KAT6A: variants seen among roughly 807,000 people sequenced by gnomAD.
KAT6A encodes the protein histone acetyltransferase KAT6A.
KAT6A carries 9 observed loss-of-function variants against 198.4 expected under a neutral mutation model. That is an observed-to-expected ratio of 0.05 (90% CI 0.03 to 0.08). KAT6A has a LOEUF of 0.08. KAT6A is among the 10% of genes least tolerant of loss of function. The pLI, the probability that KAT6A is intolerant of heterozygous loss-of-function variation, is 1.00. For missense variants in KAT6A, 2,077 were observed against 2,509.9 expected, an observed-to-expected ratio of 0.83 and a Z score of 3.69; for synonymous variants, 890 against 883.0, an observed-to-expected ratio of 1.01 and a Z score of -0.14.
At chr8:41,989,275 G>A (rs527747301) in intron 2 of KAT6A, among the ~76,000 whole-genome samples, 56 of 152,244 alleles carry the variant, frequency 3.7e-4, no homozygotes, top group African/African-American at 1.2e-3. Context: ...TTGGGAGGCC[G>A]AGGCGGGCGG....
chr8:41,932,841 C>T lies in KAT6A; in HGVS notation c.5379G>A (p.Gln1793=), dbSNP rs34566148. 2.1e-3 allele frequency: 3,374 copies of T among 1,614,136 alleles called. 14 individuals are homozygous for T. Among genetic ancestry groups the T allele is most frequent in the African/African-American group, 0.013 (971 of 75,036 alleles). ...SVSLSNTGLA[Q]LAPSHPLAGT... ...CAGCTAAGGGATGAGATGGAGCCAG[C>T]TGAGCCAGTCCTGTATTGGACAGAG... Residue 1793 remains glutamine, a synonymous_variant, in exon 17 of 17, where the codon CAG becomes CAA. Coordinates refer to ENST00000265713, the MANE Select transcript of KAT6A (RefSeq NM_006766.5).
intron 8 of KAT6A, among the ~76,000 whole-genome samples, chr8:41,959,180 A>AAT (rs1281160673): frequency 4.2e-5 from 6 of 142,544 alleles, no homozygotes; most frequent in East Asian, 2.1e-4. Context: ...AAAAAAAAAA[A>AAT]GTTGGAAAAG....
rs1454906752 is a variant in KAT6A, at chr8:42,025,593, G to A, written c.600+22785C>T. Among the ~76,000 whole-genome samples the A allele has an allele frequency of 3.9e-5, 6 of 152,188 alleles. No individual in the cohort carries two copies. The South Asian group carries it at 8.3e-4, about 21-fold the overall frequency. On this transcript the variant is annotated intron_variant, in intron 2 of 16. Transcript: ENST00000265713. ...GTCTATTCAGATCCTTTGCCAACTTGTTAATAGGATTATTTGGTTTTCTTG... is the reference window on the plus strand; with the variant it reads ...GTCTATTCAGATCCTTTGCCAACTTATTAATAGGATTATTTGGTTTTCTTG...
At chr8:42,046,772 T>C (rs912675499) in intron 2 of KAT6A, among the ~76,000 whole-genome samples, 2 of 144,972 alleles carry the variant, frequency 1.4e-5, no homozygotes, top group Non-Finnish European at 2.9e-5. Flanking sequence ...TTTTAATTAC[T>C]TGTCTACCCT....
chr8:41,945,378 C>G (rs1822325595), intron 12 of KAT6A, among the ~76,000 whole-genome samples: 1 of 151,068 alleles, frequency 6.6e-6, no homozygotes, highest in African/African-American at 2.4e-5. Context: ...TCAAGCAATT[C>G]TTCTGCCTCA....
At chr8:42,035,349 C>T (rs911091000) in intron 2 of KAT6A, among the ~76,000 whole-genome samples, 1 of 152,102 alleles carries the variant, frequency 6.6e-6, no homozygotes, top group Non-Finnish European at 1.5e-5. Flanking sequence ...AAGAGACTGA[C>T]ATAAAATACT....
At chr8:42,005,440 T>C (rs1424136992) in intron 2 of KAT6A, among the ~76,000 whole-genome samples, 2 of 152,208 alleles carry the variant, frequency 1.3e-5, no homozygotes, top group African/African-American at 2.4e-5. Flanking sequence ...GTGGAGAACA[T>C]AGTGACGTAA....
chr8:41,948,392 CTACT>C (rs886076427), intron 10 of KAT6A, among the ~76,000 whole-genome samples: 3 of 152,156 alleles, frequency 2.0e-5, no homozygotes, highest in Non-Finnish European at 4.4e-5. Flanking sequence ...CCAGATAAAA[CTACT>C]TAAGGGGGTA....
At chr8:41,937,633 AAC>A in intron 15 of KAT6A, 65 bp from the exon 16 acceptor site, 1 of 1,307,824 alleles carries the variant, frequency 7.6e-7, no homozygotes, top group Non-Finnish European at 1.1e-6. Context: ...ATAATACGAA[AAC>A]AGTTTTAAAA....
rs1003280345 is a variant in KAT6A, at chr8:41,962,361, C to G, written c.1483-6950G>C. Among the ~76,000 whole-genome samples, 25 of 152,240 alleles carry G rather than the reference C, an allele frequency of 1.6e-4. No homozygotes were observed. The East Asian group carries it at 4.8e-3, about 29-fold the overall frequency. ...CACATCCAAAATCAAACTCCTAAAT[C>G]TTTTCCCCAAATGTGCTCTTCCTAT... On this transcript the variant is annotated intron_variant, in intron 8 of 16. Coordinates refer to ENST00000265713, the MANE Select transcript of KAT6A (RefSeq NM_006766.5).
chr8:41,933,666 G>C lies in KAT6A; in HGVS notation c.4554C>G (p.Ser1518=), dbSNP rs1564004334. 1 of 1,614,122 alleles carries C rather than the reference G, an allele frequency of 6.2e-7. No individual in the cohort carries two copies. The highest frequency in any genetic ancestry group is 1.7e-5 in the Admixed American group (1 of 60,026). The part of the protein sequence containing the change: ...GYTQISPEQG[S]LSAPSMQNME... ...TGTTCTGCATAGAGGGTGCGGACAG[G>C]GATCCTTGTTCTGGGCTGATCTGGG... Residue 1518 remains serine, a synonymous_variant, in exon 17 of 17, where the codon TCC becomes TCG. Coordinates refer to ENST00000265713, the MANE Select transcript of KAT6A (RefSeq NM_006766.5). This position sits in a 1 kb window ranked among gnomAD's most constrained non-coding sequence, Gnocchi z 6.2.
chr8:42,047,561 C>A (rs1339901799), intron 2 of KAT6A, among the ~76,000 whole-genome samples: 1 of 152,188 alleles, frequency 6.6e-6, no homozygotes, highest in Middle Eastern at 3.4e-3. Flanking sequence ...ACTACAGGCG[C>A]GCCCATACCT....
intron 2 of KAT6A, among the ~76,000 whole-genome samples, chr8:42,009,889 T>A (rs1375234121): frequency 3.0e-5 from 3 of 99,358 alleles, no homozygotes; most frequent in Non-Finnish European, 3.7e-5. Context: ...GACAAAGCCC[T>A]GTCTCAAAAA....
chr8:41,940,924 T>C lies in KAT6A; in HGVS notation c.2957A>G (p.Glu986Gly). 1 of 1,614,218 alleles carries C rather than the reference T, an allele frequency of 6.2e-7. No individual in the cohort carries two copies. The highest frequency in any genetic ancestry group is 2.2e-5 in the East Asian group (1 of 44,884). The change falls in exon 15 of 17, where the codon GAG becomes GGG. Residue 986 changes from glutamate (E) to glycine (G), a missense_variant. Glu to Gly is a moderately conservative substitution (Grantham distance 98, BLOSUM62 -2). Coordinates refer to ENST00000265713, the MANE Select transcript of KAT6A (RefSeq NM_006766.5). ...GDRAVLRGFSESSEEEEEPES... is the reference protein window; with the variant it reads ...GDRAVLRGFSGSSEEEEEPES... ...CGGCTCCTCCTCCTCCTCGCTGCTC[T>C]CACTGAAGCCCCTGAGGACAGCCCT...
At position 41,963,563 on chromosome 8, in the gene KAT6A, T is replaced by G. The variant is rs111526736; in HGVS notation, c.1483-8152A>C. ...TATCTATCTCTGTCTCCTATCTATC[T>G]CTTCTACCTTCATTTAGGCCCCAGT... is the stretch of plus-strand genomic sequence containing the variant. On this transcript the variant is annotated intron_variant, in intron 8 of 16. Transcript: ENST00000265713. 1.7e-3 allele frequency among the ~76,000 whole-genome samples: 262 copies of G among 152,356 alleles called. 1 individual carries two copies. The highest frequency in any genetic ancestry group is 5.9e-3 in the African/African-American group (244 of 41,582).
intron 2 of KAT6A, among the ~76,000 whole-genome samples, chr8:42,036,717 TAG>T (rs1827396629): frequency 6.6e-6 from 1 of 152,074 alleles, no homozygotes; most frequent in Admixed American, 6.5e-5. Flanking sequence ...AGAACAGCAT[TAG>T]AGTGATGGCA....
intron 8 of KAT6A, among the ~76,000 whole-genome samples, chr8:41,955,953 A>T (rs1386980876): frequency 6.6e-6 from 1 of 152,226 alleles, no homozygotes; most frequent in East Asian, 1.9e-4. Context: ...ATTTCATACT[A>T]TGCCTAAAAT....
rs776569305 is a variant in KAT6A at position 42,048,665 on chromosome 8, G to A, written c.313C>T (p.Arg105Trp). 1.3e-5 allele frequency: 21 copies of A among 1,614,128 alleles called. No homozygotes were observed. Among genetic ancestry groups the A allele is most frequent in the Middle Eastern group, 1.6e-4 (1 of 6,062 alleles). The change falls in exon 2 of 17, where the codon CGG (arginine) becomes TGG (tryptophan). Residue 105 changes from arginine (R) to tryptophan (W), a missense_variant. Arg to Trp is a moderately radical substitution (Grantham distance 101). Coordinates refer to ENST00000265713, the MANE Select transcript of KAT6A (RefSeq NM_006766.5). ...GACTCTGCCAAGCCCTCAACTGCCC[G>A]CTTTATCAGTTTATTCCAATCCACA... ...QNVDWNKLIK[R>W]AVEGLAESGG...
At chr8:41,946,529 C>CAA in intron 12 of KAT6A, 62 bp downstream of exon 12, 147 of 682,396 alleles carry the variant, frequency 2.2e-4, no homozygotes, top group Middle Eastern at 7.0e-4. Context: ...CACACACACA[C>CAA]ACACACACAC....
Sources: allele counts gnomAD v4.1 joint callset (sites outside exome capture counted in the v4.1 genomes callset), GRCh38; gene constraint gnomAD v4.1.1; non-coding constraint Gnocchi (gnomAD v3.1); transcripts MANE v1.5; gene names NCBI Gene and HGNC (gene_info 2026-07-23, HGNC 2026-07-21).